Variants in KIAA1755 observed in about 807,000 individuals in gnomAD.
KIAA1755 encodes the protein KIAA1755, also known as uncharacterized protein KIAA1755.
Under a neutral mutation model 91.7 loss-of-function variants are expected in KIAA1755, and 68 were observed. That is an observed-to-expected ratio of 0.74 (90% CI 0.61 to 0.91). The LOEUF is 0.91. Among genes scored for constraint, KIAA1755 ranks in the 40% least tolerant of loss-of-function variants. The pLI, the probability that KIAA1755 is intolerant of heterozygous loss-of-function variation, is 0.00. For missense variants in KIAA1755, 1,535 were observed against 1,494.4 expected (o/e 1.03, Z -0.45); for synonymous variants, 610 against 604.6 (o/e 1.01, Z -0.13).
chr20:38,227,092 C>G, intron 7 of KIAA1755, 62 bp downstream of exon 7: 3 of 1,285,204 alleles, frequency 2.3e-6, no homozygotes, highest in Non-Finnish European at 3.3e-6. Context: ...CTCTCCTTAA[C>G]CCCAGCTCAG....
At chr20:38,236,566 C>T (rs865878727) in intron 4 of KIAA1755, among the ~76,000 whole-genome samples, 1 of 152,116 alleles carries the variant, frequency 6.6e-6, no homozygotes, top group Non-Finnish European at 1.5e-5. Flanking sequence ...GAGAGGAGGA[C>T]TGGGTGACTG....
chr20:38,213,669 A>C lies in KIAA1755; in HGVS notation c.2976T>G (p.Pro992=). Residue 992 remains proline (P), a synonymous_variant, in exon 14 of 14, where the codon CCT becomes CCG. Coordinates refer to ENST00000279024, the MANE Select transcript of KIAA1755 (RefSeq NM_001029864.2). ...AGCGGTGGAGGCGGCGCTGGTCCCC[A>C]GGACTGACCCTTGAGGTCTTGTCCA... ...LRLDKTSRVS[P]GDQRRLHRYL... is the part of the protein sequence containing the mutation. 3 of 1,594,792 alleles carry C rather than the reference A, an allele frequency of 1.9e-6. No homozygotes were observed. The highest frequency in any genetic ancestry group is 1.7e-6 in the Non-Finnish European group (2 of 1,170,278).
rs2076152677 is a variant in KIAA1755, at chr20:38,246,002, TCCCCCTGGA to T, written c.119_127del (p.Phe40_Asp43delinsTyr). On this transcript the variant is annotated inframe_deletion, in exon 2 of 14. Coordinates refer to ENST00000279024, the MANE Select transcript of KIAA1755 (RefSeq NM_001029864.2). ...GAAATCCAGAAGGAAGCTCAGCCCATCCCCCTGGAAGCCAGAGTCCAGGAGACGGAACAC... is the reference window on the plus strand; with the variant it reads ...GAAATCCAGAAGGAAGCTCAGCCCATAGCCAGAGTCCAGGAGACGGAACAC... 1.2e-6 allele frequency: 2 copies of T among 1,613,638 alleles called. No individual in the cohort carries two copies. The highest frequency in any genetic ancestry group is 1.3e-5 in the African/African-American group (1 of 74,750).
At chr20:38,229,687 C>T (rs951496345) in intron 5 of KIAA1755, among the ~76,000 whole-genome samples, 4 of 152,196 alleles carry the variant, frequency 2.6e-5, no homozygotes, top group African/African-American at 9.7e-5. Context: ...CTGCACTCCA[C>T]AGTTTACATC....
chr20:38,226,404 G>A (rs897493781), intron 7 of KIAA1755, among the ~76,000 whole-genome samples: 13 of 152,200 alleles, frequency 8.5e-5, no homozygotes, highest in African/African-American at 3.1e-4. Flanking sequence ...GGCCAGCATC[G>A]CCGGCATCAC....
At position 38,212,903 on chromosome 20, in the gene KIAA1755, C is replaced by T. The variant is rs745909412; in HGVS notation, c.*139G>A. ...CCAGGGGCAGGTCGACAGTTCTCAT[C>T]CTCCCAGCAGAGGCAGAATGTAAAA... On this transcript the variant is annotated 3_prime_UTR_variant, in exon 14 of 14. Transcript: ENST00000279024. The T allele has an allele frequency of 5.9e-5, 39 of 658,360 alleles. No individual in the cohort carries two copies. The highest frequency in any genetic ancestry group is 4.5e-4 in the Admixed American group (15 of 33,072). The allele number at this position is 658,360 out of a possible 1,614,324, so 40.8% of individuals were successfully genotyped here.
chr20:38,227,984 G>A (rs990318073), intron 6 of KIAA1755, among the ~76,000 whole-genome samples, 163 bp downstream of exon 6: 2 of 152,250 alleles, frequency 1.3e-5, no homozygotes, highest in Non-Finnish European at 2.9e-5. Context: ...ATGAACCAAT[G>A]AGCTTCAAGC....
chr20:38,239,686 G>C lies in KIAA1755; in HGVS notation c.1589C>G (p.Ala530Gly). The part of the protein sequence containing the change: ...TQTKTSGPAT[A>G]PSPLTEEKAA... The stretch of plus-strand genomic sequence containing the variant: ...CTTTTCCTCAGTCAGTGGGCTGGGG[G>C]CAGTGGCTGGGCCAGATGTTTTGGT... Residue 530 changes from alanine to glycine, a missense_variant, in exon 4 of 14, where the codon GCC becomes GGC. By Grantham distance (60) the Ala-to-Gly change is moderately conservative. Coordinates refer to ENST00000279024, the MANE Select transcript of KIAA1755 (RefSeq NM_001029864.2). 6.2e-7 allele frequency: 1 copy of C among 1,612,360 alleles called. No individual in the cohort carries two copies.
intron 12 of KIAA1755, 88 bp from the exon 13 acceptor site, chr20:38,217,562 G>A: frequency 2.2e-6 from 2 of 930,046 alleles, no homozygotes; most frequent in South Asian, 3.1e-5. Flanking sequence ...CTGCCTTGCT[G>A]GCGAGCCAGG....
At chr20:38,220,893 A>T (rs1396933333) in intron 10 of KIAA1755, among the ~76,000 whole-genome samples, 3 of 152,202 alleles carry the variant, frequency 2.0e-5, no homozygotes, top group Non-Finnish European at 2.9e-5. Flanking sequence ...ACATAATTTT[A>T]AAAAATGCTC....
At chr20:38,236,380 C>T (rs1426367448) in intron 4 of KIAA1755, among the ~76,000 whole-genome samples, 1 of 152,160 alleles carries the variant, frequency 6.6e-6, no homozygotes, top group Non-Finnish European at 1.5e-5. Context: ...GGGTTGTCAG[C>T]CTGGAGAGAG....
chr20:38,221,223 G>A (rs1158267713), intron 10 of KIAA1755, among the ~76,000 whole-genome samples: 1 of 152,178 alleles, frequency 6.6e-6, no homozygotes, highest in Non-Finnish European at 1.5e-5. Context: ...GGGCTGCAGG[G>A]ACCCGCTGCA....
chr20:38,254,690 A>C (rs915988303), intron 1 of KIAA1755, among the ~76,000 whole-genome samples: 1 of 151,996 alleles, frequency 6.6e-6, no homozygotes, highest in African/African-American at 2.4e-5. Flanking sequence ...AGGCACTGAG[A>C]CAGAAGGATC....
Position 38,216,940 on chromosome 20 carries a change from A to G in KIAA1755, c.2901+313T>C, listed in dbSNP as rs184415621. 7 of 595,082 alleles carry G rather than the reference A, an allele frequency of 1.2e-5. No individual in the cohort carries two copies. In the East Asian group the frequency reaches 2.7e-4, roughly 23 times the overall value. The allele number at this position is 595,082 out of a possible 1,614,324, so 36.9% of individuals were successfully genotyped here. ...AAGCATATAAGGCATGTCACGGGGT[A>G]CCACAGACACATCTATGTTCAAATC... On this transcript the variant is annotated intron_variant, in intron 13 of 13. Transcript: ENST00000279024.
intron 1 of KIAA1755, among the ~76,000 whole-genome samples, chr20:38,253,070 C>CACCTGGGCCA (rs1555831261): frequency 1.1e-4 from 16 of 147,384 alleles, no homozygotes; most frequent in African/African-American, 3.6e-4. Flanking sequence ...GCCCGCAGCC[C>CACCTGGGCCA]GGCAGGAGCC....
Position 38,246,109 on chromosome 20 carries a change from G to A in KIAA1755, c.21C>T (p.Asp7=). Reference sequence around the variant, plus strand: ...CCGCCAGGGCATGCTGGATGGCTGTGTCGAGGGATGGAGGGTCCTGTGGGG... The same window carrying A: ...CCGCCAGGGCATGCTGGATGGCTGTATCGAGGGATGGAGGGTCCTGTGGGG... The part of the protein sequence containing the change: MDPPSL[D]TAIQHALAGL... The change falls in exon 2 of 14, where the codon GAC becomes GAT. Residue 7 remains aspartate (D), a synonymous_variant. Transcript: ENST00000279024. 1.2e-6 allele frequency: 2 copies of A among 1,613,436 alleles called. No homozygotes were observed. Among genetic ancestry groups the A allele is most frequent in the Non-Finnish European group, 1.7e-6 (2 of 1,179,878 alleles).
At chr20:38,257,835 A>G (rs984547092) in intron 1 of KIAA1755, among the ~76,000 whole-genome samples, 3 of 152,244 alleles carry the variant, frequency 2.0e-5, no homozygotes, top group African/African-American at 7.2e-5. Context: ...GTTCACCACC[A>G]ACCTCATCCA....
intron 9 of KIAA1755, 149 bp downstream of exon 9, chr20:38,223,389 G>T: frequency 1.8e-6 from 1 of 566,696 alleles, no homozygotes; most frequent in Non-Finnish European, 3.0e-6. Flanking sequence ...GGTACAAAGT[G>T]GGTGCCCCTC....
At chr20:38,240,056 C>T (rs750374882) in intron 3 of KIAA1755, among the ~76,000 whole-genome samples, 2 of 152,106 alleles carry the variant, frequency 1.3e-5, no homozygotes, top group Non-Finnish European at 2.9e-5. Flanking sequence ...ACCACGAAGC[C>T]CAGCTTTTTT....
Sources: allele counts gnomAD v4.1 joint callset (sites outside exome capture counted in the v4.1 genomes callset), GRCh38; gene constraint gnomAD v4.1.1; transcripts MANE v1.5; gene names NCBI Gene and HGNC (gene_info 2026-07-23, HGNC 2026-07-21).